DOP1A: variants seen among roughly 807,000 people sequenced by gnomAD.
The protein encoded by DOP1A is DOP1 leucine zipper like protein A, also known as protein DOP1A.
A neutral mutation model predicts 267.6 loss-of-function variants in DOP1A; 90 were observed. The ratio of observed to expected loss-of-function variants is 0.34; its 90% CI spans 0.28 to 0.40. DOP1A has a LOEUF of 0.40. DOP1A is among the 10% of genes least tolerant of loss of function. The probability of loss-of-function intolerance (pLI) is 1.00; values close to 1 mark genes in which losing one functional copy is unlikely to be tolerated. For synonymous variants in DOP1A, 932 were observed against 999.1 expected (o/e 0.93, Z 1.27); for missense variants, 2,437 against 2,900.4 (o/e 0.84, Z 3.67).
chr6:83,158,341 C>G (rs1467158828), intron 35 of DOP1A, among the ~76,000 whole-genome samples: 1 of 152,120 alleles, frequency 6.6e-6, no homozygotes, highest in Non-Finnish European at 1.5e-5. Context: ...TCCATAATCA[C>G]TAAAAACAAA....
intron 1 of DOP1A, among the ~76,000 whole-genome samples, chr6:83,094,159 A>G (rs1771014542): frequency 6.6e-6 from 1 of 152,180 alleles, no homozygotes; most frequent in Admixed American, 6.5e-5. Flanking sequence ...TATAAATGGA[A>G]TCATATACTA....
At chr6:83,144,255 C>T (rs1780110670) in intron 24 of DOP1A, among the ~76,000 whole-genome samples, 1 of 152,076 alleles carries the variant, frequency 6.6e-6, no homozygotes, top group Admixed American at 6.6e-5. Context: ...AGGGGAATCT[C>T]TGGGATAATG....
Position 83,113,404 on chromosome 6 carries a change from C to T in DOP1A, c.763C>T (p.Pro255Ser). 2 of 1,613,652 alleles carry T rather than the reference C, an allele frequency of 1.2e-6. No individual in the cohort carries two copies. Among genetic ancestry groups the T allele is most frequent in the Non-Finnish European group, 1.7e-6 (2 of 1,179,770 alleles). The change falls in exon 7 of 39, where the codon CCA becomes TCA. Residue 255 changes from proline to serine, a missense_variant. Physicochemically the swap from Pro to Ser is moderately conservative, Grantham distance 74. Coordinates refer to ENST00000349129, the MANE Select transcript of DOP1A (RefSeq NM_015018.4). ...STLDLILFCF[P>S]FHMSQATRPD... ...ACTGGACCTCATACTCTTCTGTTTT[C>T]CATTCCACATGAGTCAGGTAAAATA...
In DOP1A at chr6:83,145,659, GT is replaced by G; in HGVS notation, c.5676+2del. 1 of 1,607,494 alleles carries G rather than the reference GT, an allele frequency of 6.2e-7. No homozygotes were observed. Among genetic ancestry groups the G allele is most frequent in the Non-Finnish European group, 8.5e-7 (1 of 1,177,870 alleles). On this transcript the variant is annotated splice_donor_variant, in intron 25 of 38. Coordinates refer to ENST00000349129, the MANE Select transcript of DOP1A (RefSeq NM_015018.4). LOFTEE classifies it high-confidence loss of function. ...GCCACCAGCCATAGCCAAGGACAAG[GT>G]AAGAAAAAACTCTTCTTCACATGTG...
chr6:83,093,548 CAT>C (rs1161062584), intron 1 of DOP1A, among the ~76,000 whole-genome samples: 2 of 152,158 alleles, frequency 1.3e-5, no homozygotes, highest in Non-Finnish European at 2.9e-5. Flanking sequence ...AAATGTAAGA[CAT>C]GTAAATTTCA....
rs1473077416 is a variant in DOP1A, at chr6:83,125,513, A to G, written c.1499A>G (p.Glu500Gly). ...MRVLCQETYI[E>G]IQTEHLPQLL... ...TTTTATTTTCAGGAGACTTACATTG[A>G]AATCCAGACAGAACACTTGCCCCAG... Residue 500 changes from glutamate (E) to glycine (G), a missense_variant, in exon 15 of 39, where the codon GAA (glutamate) becomes GGA (glycine). By Grantham distance (98) the Glu-to-Gly change is moderately conservative. This residue lies in a region of DOP1A where 498 missense variants were observed against 513.5 expected (regional missense o/e 0.97). Coordinates refer to ENST00000349129, the MANE Select transcript of DOP1A (RefSeq NM_015018.4). 3 of 1,612,994 alleles carry G rather than the reference A, an allele frequency of 1.9e-6. No individual in the cohort carries two copies. The highest frequency in any genetic ancestry group is 1.7e-6 in the Non-Finnish European group (2 of 1,179,594).
chr6:83,119,865 A>G lies in DOP1A; in HGVS notation c.990+8A>G. 6.2e-7 allele frequency: 1 copy of G among 1,600,868 alleles called. No individual in the cohort carries two copies. Among genetic ancestry groups the G allele is most frequent in the Non-Finnish European group, 8.6e-7 (1 of 1,168,812 alleles). On this transcript the variant is annotated splice_region_variant and intron_variant, in intron 9 of 38. Transcript: ENST00000349129. ...AAAGAATTATTAGTCCAGGTAATGA[A>G]TACTTTTATTATTCTTTGGTTACTT...
intron 7 of DOP1A, among the ~76,000 whole-genome samples, chr6:83,117,598 T>A (rs1256550987): frequency 2.0e-5 from 3 of 152,246 alleles, no homozygotes; most frequent in Non-Finnish European, 4.4e-5. Context: ...GTGCAGCTGC[T>A]ATGCTGCCTC....
Position 83,157,334 on chromosome 6 carries a change from T to G in DOP1A, c.6741+16T>G. The G allele has an allele frequency of 1.2e-6, 2 of 1,610,158 alleles. No individual in the cohort carries two copies. The highest frequency in any genetic ancestry group is 1.7e-6 in the Non-Finnish European group (2 of 1,176,990). On this transcript the variant is annotated intron_variant, in intron 35 of 38. Transcript: ENST00000349129. ...TACAGAACTTGTGAGTTAATTTTAA[T>G]TCAGTCAGGTTATAAATCTAAATGA...
downstream of DOP1A, chr6:83,168,525 C>T (rs1786393203): frequency 2.0e-6 from 2 of 1,009,546 alleles, no homozygotes; most frequent in African/African-American, 3.5e-5. Flanking sequence ...TTCTCTTTTC[C>T]TTATTAACCA....
chr6:83,169,041 C>CT, downstream of DOP1A: 1 of 1,371,710 alleles, frequency 7.3e-7, no homozygotes, highest in Non-Finnish European at 9.4e-7. Flanking sequence ...AGGTAAATTT[C>CT]TTTAACAAGT....
intron 27 of DOP1A, among the ~76,000 whole-genome samples, chr6:83,149,373 T>C (rs1781169340): frequency 6.6e-6 from 1 of 152,208 alleles, no homozygotes; most frequent in Admixed American, 6.5e-5. Flanking sequence ...TTGCCATTAT[T>C]CTTGATTCCT....
chr6:83,072,621 C>T (rs551575008), intron 1 of DOP1A, among the ~76,000 whole-genome samples: 1 of 152,282 alleles, frequency 6.6e-6, no homozygotes, highest in East Asian at 1.9e-4. Flanking sequence ...TTAGAAGTGA[C>T]AGCTGACTAT....
chr6:83,122,140 C>CT (rs1215239590), intron 11 of DOP1A, 90 bp downstream of exon 11: 1 of 1,436,188 alleles, frequency 7.0e-7, no homozygotes, highest in Non-Finnish European at 9.5e-7. Flanking sequence ...GGATCCTACT[C>CT]TATGAAGTTT....
At chr6:83,104,190 C>A (rs1265116575) in intron 4 of DOP1A, among the ~76,000 whole-genome samples, 1 of 152,076 alleles carries the variant, frequency 6.6e-6, no homozygotes, top group East Asian at 1.9e-4. Flanking sequence ...CTTGTTCTTT[C>A]TAATAGCTTT....
chr6:83,085,783 GTTAT>G, intron 1 of DOP1A, among the ~76,000 whole-genome samples: 1 of 50,846 alleles, frequency 2.0e-5, no homozygotes, highest in East Asian at 1.3e-3. Flanking sequence ...GGTATTTTAT[GTTAT>G]GTTATGTTAT....
intron 22 of DOP1A, 33 bp from the exon 23 acceptor site, chr6:83,140,188 G>A: frequency 6.2e-7 from 1 of 1,605,922 alleles, no homozygotes; most frequent in Non-Finnish European, 8.5e-7. Context: ...ATCTCAGTAA[G>A]TAATATGTTT....
At chr6:83,170,050 T>C (rs1021451933), downstream of DOP1A, among the ~76,000 whole-genome samples, 2 of 152,224 alleles carry the variant, frequency 1.3e-5, no homozygotes, top group African/African-American at 2.4e-5. Context: ...ATTCCTGCCA[T>C]GGTTAAAAAT....
intron 7 of DOP1A, among the ~76,000 whole-genome samples, chr6:83,115,504 C>T (rs1259271069): frequency 1.3e-5 from 2 of 152,062 alleles, no homozygotes; most frequent in Admixed American, 6.5e-5. Flanking sequence ...AAGCGGATTA[C>T]GAGGTCAGGA....
Sources: allele counts gnomAD v4.1 joint callset (sites outside exome capture counted in the v4.1 genomes callset), GRCh38; gene constraint gnomAD v4.1.1; regional missense constraint gnomAD v4.1.1; transcripts MANE v1.5; gene names NCBI Gene and HGNC (gene_info 2026-07-23, HGNC 2026-07-21).